FSHR: variants seen among roughly 807,000 people sequenced by gnomAD.
The protein encoded by FSHR is follicle stimulating hormone receptor.
In FSHR, 46 loss-of-function variants were observed where a neutral mutation model predicts 52.1. The observed-to-expected ratio is 0.88, with a 90% confidence interval of 0.70 to 1.13. The LOEUF (loss-of-function observed/expected upper bound fraction) is 1.13, where lower values mean the gene tolerates loss of function less well. FSHR is among the 50% of genes most tolerant of loss of function. The pLI, the probability that FSHR is intolerant of heterozygous loss-of-function variation, is 0.00. For missense variants in FSHR, 964 were observed against 834.6 expected, an observed-to-expected ratio of 1.16 and a Z score of -1.91; for synonymous variants, 399 against 309.6, an observed-to-expected ratio of 1.29 and a Z score of -3.03.
chr2:49,120,446 T>C (rs1173530102), intron 1 of FSHR, among the ~76,000 whole-genome samples: 1 of 152,202 alleles, frequency 6.6e-6, no homozygotes, highest in Non-Finnish European at 1.5e-5. Flanking sequence ...CTGGACAGGA[T>C]GGTCTTTTGT....
intron 2 of FSHR, among the ~76,000 whole-genome samples, chr2:49,042,375 G>A (rs1052183930): frequency 1.3e-5 from 2 of 152,146 alleles, no homozygotes; most frequent in African/African-American, 4.8e-5. Context: ...GCATGCTAAA[G>A]AAGGAATGAT....
intron 9 of FSHR, among the ~76,000 whole-genome samples, chr2:48,966,455 A>C (rs1011290370): frequency 5.3e-5 from 8 of 152,244 alleles, no homozygotes; most frequent in African/African-American, 1.9e-4. Context: ...GTTCAATGAC[A>C]AATGAAGACT....
intron 4 of FSHR, among the ~76,000 whole-genome samples, chr2:49,007,750 C>A (rs148944912): frequency 6.6e-6 from 1 of 152,200 alleles, no homozygotes; most frequent in African/African-American, 2.4e-5. Flanking sequence ...CTGTCACCAC[C>A]ATCATCATGA....
At chr2:49,029,929 T>A (rs1017205447) in intron 2 of FSHR, among the ~76,000 whole-genome samples, 2 of 152,234 alleles carry the variant, frequency 1.3e-5, no homozygotes, top group African/African-American at 4.8e-5. Context: ...GCCAGCCTCA[T>A]CCTTGGCAGT....
At chr2:49,021,921 A>AGAGAGAGAGAGAGAGAG (rs1667739794) in intron 2 of FSHR, among the ~76,000 whole-genome samples, 4 of 126,760 alleles carry the variant, frequency 3.2e-5, no homozygotes, top group African/African-American at 1.2e-4. Context: ...AGAGAGAGAG[A>AGAGAGAGAGAGAGAGAG]ATGAACACCA....
chr2:49,070,896 A>G (rs560754539), intron 1 of FSHR, among the ~76,000 whole-genome samples: 1 of 152,282 alleles, frequency 6.6e-6, no homozygotes, highest in Non-Finnish European at 1.5e-5. Flanking sequence ...AGGATATGAG[A>G]AATCCCCAGG....
intron 1 of FSHR, among the ~76,000 whole-genome samples, chr2:49,117,924 T>G (rs1671663102): frequency 6.6e-6 from 1 of 152,170 alleles, no homozygotes; most frequent in Non-Finnish European, 1.5e-5. Context: ...TAAAGGAGAA[T>G]TATAGAATTA....
chr2:49,060,325 AG>A (rs1300563504), intron 2 of FSHR, among the ~76,000 whole-genome samples: 1 of 152,140 alleles, frequency 6.6e-6, no homozygotes, highest in Non-Finnish European at 1.5e-5. Context: ...TGATCCCATT[AG>A]GTATTAGCAA....
chr2:49,101,944 T>G (rs1033517074), intron 1 of FSHR, among the ~76,000 whole-genome samples: 2 of 152,082 alleles, frequency 1.3e-5, no homozygotes, highest in Admixed American at 6.6e-5. Context: ...TCTAAAGTCA[T>G]CAGTCCCATT....
intron 1 of FSHR, among the ~76,000 whole-genome samples, chr2:49,139,507 T>G (rs1672601004): frequency 6.6e-6 from 1 of 152,066 alleles, no homozygotes; most frequent in East Asian, 1.9e-4. Flanking sequence ...TTACTTTTTA[T>G]GGAGTGTCAT....
intron 1 of FSHR, among the ~76,000 whole-genome samples, chr2:49,082,996 G>A (rs372660030): frequency 1.2e-4 from 18 of 150,776 alleles, no homozygotes; most frequent in South Asian, 6.4e-4. Context: ...TACAGAGAAC[G>A]CCACAAAGAT....
At chr2:49,009,367 T>C (rs189955139) in intron 4 of FSHR, among the ~76,000 whole-genome samples, 3,318 of 152,088 alleles carry the variant, frequency 0.022, 114 homozygotes, top group African/African-American at 0.075. Context: ...GAGGGCTCTG[T>C]TCTGTTCCAT....
At chr2:49,023,888 A>G (rs1378577698) in intron 2 of FSHR, among the ~76,000 whole-genome samples, 3 of 152,290 alleles carry the variant, frequency 2.0e-5, no homozygotes, top group East Asian at 3.9e-4. Flanking sequence ...TGTGGGTTTC[A>G]GAGCCATTAT....
At chr2:48,971,902 G>C (rs2104018255) in intron 8 of FSHR, among the ~76,000 whole-genome samples, 1 of 152,172 alleles carries the variant, frequency 6.6e-6, no homozygotes, top group South Asian at 2.1e-4. Flanking sequence ...CCAACTTTAG[G>C]AGTGCCAATG....
intron 2 of FSHR, among the ~76,000 whole-genome samples, chr2:49,056,450 A>ATATATG (rs1669066495): frequency 9.3e-5 from 1 of 10,718 alleles, no homozygotes; most frequent in African/African-American, 2.7e-4. Context: ...ATTGGAATAT[A>ATATATG]TATATATATA....
chr2:48,990,531 TA>T, intron 5 of FSHR, 34 bp downstream of exon 5: 1 of 1,345,628 alleles, frequency 7.4e-7, no homozygotes, highest in Non-Finnish European at 1.1e-6. Context: ...AGATACTGAG[TA>T]AAGAGTTGGT....
chr2:49,036,870 A>G (rs749433599), intron 2 of FSHR, among the ~76,000 whole-genome samples: 1 of 152,246 alleles, frequency 6.6e-6, no homozygotes, highest in African/African-American at 2.4e-5. Context: ...GCTGAATAAA[A>G]TATGTCAAAC....
intron 9 of FSHR, among the ~76,000 whole-genome samples, chr2:48,966,231 A>G (rs1489046918): frequency 6.6e-6 from 1 of 152,198 alleles, no homozygotes; most frequent in Non-Finnish European, 1.5e-5. Flanking sequence ...GATGGTGGTT[A>G]CTTATGGAAT....
chr2:48,986,861 C>G (rs1156566739), intron 6 of FSHR, among the ~76,000 whole-genome samples: 3 of 152,080 alleles, frequency 2.0e-5, no homozygotes, highest in Non-Finnish European at 4.4e-5. Context: ...AAAGTCAGAT[C>G]AATGATACTG....
Sources: allele counts gnomAD v4.1 joint callset (sites outside exome capture counted in the v4.1 genomes callset), GRCh38; gene constraint gnomAD v4.1.1; transcripts MANE v1.5; gene names NCBI Gene and HGNC (gene_info 2026-07-23, HGNC 2026-07-21).